DPP10: variants seen among roughly 807,000 people sequenced by gnomAD.
DPP10 encodes inactive dipeptidyl peptidase 10.
A neutral mutation model predicts 120.9 loss-of-function variants in DPP10; 33 were observed. That is an observed-to-expected ratio of 0.27 (90% CI 0.21 to 0.37). DPP10 has a LOEUF of 0.37. Among genes scored for constraint, DPP10 ranks in the 10% least tolerant of loss-of-function variants. The pLI, the probability that DPP10 is intolerant of heterozygous loss-of-function variation, is 1.00. For missense variants in DPP10, 816 were observed against 942.8 expected (o/e 0.87, Z 1.76); for synonymous variants, 337 against 326.1 (o/e 1.03, Z -0.36).
intron 1 of DPP10, among the ~76,000 whole-genome samples, chr2:114,601,181 C>T (rs181221090): frequency 4.0e-5 from 6 of 151,854 alleles, no homozygotes; most frequent in South Asian, 4.2e-4. Flanking sequence ...ACTCTAATGA[C>T]GTTGTAATGG....
At chr2:115,533,244 T>C (rs1186745831) in intron 5 of DPP10, among the ~76,000 whole-genome samples, 2 of 152,092 alleles carry the variant, frequency 1.3e-5, no homozygotes, top group Non-Finnish European at 2.9e-5. Context: ...GCATAAGAAT[T>C]AGCTTTTTCC....
At chr2:115,491,817 G>A (rs1473133783) in intron 3 of DPP10, among the ~76,000 whole-genome samples, 5 of 152,152 alleles carry the variant, frequency 3.3e-5, no homozygotes, top group Non-Finnish European at 7.3e-5. Flanking sequence ...CTCCTGCTCT[G>A]TCAACTGGAT....
intron 3 of DPP10, among the ~76,000 whole-genome samples, chr2:115,481,599 C>T (rs566997661): frequency 4.6e-5 from 7 of 151,930 alleles, no homozygotes; most frequent in East Asian, 3.9e-4. Context: ...TCCTTGGTTC[C>T]GTCCAGCTCT....
chr2:115,165,262 T>G (rs768891411), intron 1 of DPP10, among the ~76,000 whole-genome samples: 25 of 152,320 alleles, frequency 1.6e-4, no homozygotes, highest in Non-Finnish European at 3.1e-4. Flanking sequence ...CTGTTTTTAT[T>G]CCTATTTTAG....
At chr2:114,686,358 C>A (rs1050771281) in intron 1 of DPP10, among the ~76,000 whole-genome samples, 1 of 151,820 alleles carries the variant, frequency 6.6e-6, no homozygotes, top group African/African-American at 2.4e-5. Context: ...CTTCAAGCAG[C>A]CACAACTAAG....
chr2:115,594,597 T>C lies in DPP10; in HGVS notation c.441+68625T>C, dbSNP rs561338536. ...TCCAGTGAAAGTTCTGGAAGTTTTT[T>C]CTCTAGTCCAATGGCACAATCTCCA... On this transcript the variant is annotated intron_variant, in intron 5 of 25. Transcript: ENST00000410059. 3.3e-5 allele frequency among the ~76,000 whole-genome samples: 5 copies of C among 152,272 alleles called. No homozygotes were observed. The South Asian group carries it at 8.3e-4, about 25-fold the overall frequency.
intron 5 of DPP10, among the ~76,000 whole-genome samples, chr2:115,635,152 C>T (rs2086218140): frequency 6.7e-6 from 1 of 150,334 alleles, no homozygotes; most frequent in African/African-American, 2.5e-5. Context: ...AGCAGGCAGC[C>T]ACAGTGATGG....
intron 1 of DPP10, among the ~76,000 whole-genome samples, chr2:114,972,060 T>G (rs777558770): frequency 9.2e-5 from 14 of 152,220 alleles, no homozygotes; most frequent in Middle Eastern, 3.2e-3. Flanking sequence ...TCTGTTTTGT[T>G]AAAACCCCAT....
At chr2:114,995,283 C>T (rs564225639) in intron 1 of DPP10, among the ~76,000 whole-genome samples, 8 of 152,256 alleles carry the variant, frequency 5.3e-5, no homozygotes, top group East Asian at 3.9e-4. Context: ...AATATGGTTG[C>T]TTTGCCTGTA....
intron 1 of DPP10, among the ~76,000 whole-genome samples, chr2:115,206,415 A>G (rs1260623024): frequency 1.3e-5 from 2 of 152,202 alleles, no homozygotes; most frequent in Non-Finnish European, 2.9e-5. Flanking sequence ...GTCCAGGTAC[A>G]TGTGAGAAAC....
chr2:115,115,855 T>G (rs1287869321), intron 1 of DPP10, among the ~76,000 whole-genome samples: 2 of 152,244 alleles, frequency 1.3e-5, no homozygotes, highest in East Asian at 1.9e-4. Context: ...CACAGTGTTG[T>G]GAAAATGGTG....
chr2:114,859,544 A>G (rs957394986), intron 1 of DPP10, among the ~76,000 whole-genome samples: 2 of 152,224 alleles, frequency 1.3e-5, no homozygotes, highest in Admixed American at 6.5e-5. Context: ...TCACGGGAAT[A>G]ATCAAACTAG....
chr2:115,651,596 G>C (rs1451033293), intron 5 of DPP10, among the ~76,000 whole-genome samples: 1 of 152,040 alleles, frequency 6.6e-6, no homozygotes, highest in Non-Finnish European at 1.5e-5. Context: ...AAGATAAAAA[G>C]AATGCGCAGG....
intron 4 of DPP10, among the ~76,000 whole-genome samples, chr2:115,522,211 C>G (rs1430086893): frequency 1.3e-5 from 2 of 152,146 alleles, no homozygotes; most frequent in East Asian, 3.9e-4. Context: ...AATAGGCGGT[C>G]TGATTACTCC....
intron 1 of DPP10, among the ~76,000 whole-genome samples, chr2:114,894,310 C>T (rs1692789636): frequency 6.6e-6 from 1 of 152,148 alleles, no homozygotes; most frequent in South Asian, 2.1e-4. Flanking sequence ...CAATTTATTT[C>T]TGGGCCTTCA....
At chr2:115,086,798 C>T (rs1708744059) in intron 1 of DPP10, among the ~76,000 whole-genome samples, 1 of 151,850 alleles carries the variant, frequency 6.6e-6, no homozygotes, top group Non-Finnish European at 1.5e-5. Flanking sequence ...TGTCTCCTGC[C>T]TCCCTAAAAT....
intron 3 of DPP10, among the ~76,000 whole-genome samples, chr2:115,499,067 T>C (rs1173818258): frequency 6.6e-6 from 1 of 152,024 alleles, no homozygotes; most frequent in African/African-American, 2.4e-5. Context: ...GATCCATAAA[T>C]AGGTCTGCAT....
intron 1 of DPP10, among the ~76,000 whole-genome samples, chr2:114,852,601 C>T (rs1013535418): frequency 1.3e-5 from 2 of 151,968 alleles, no homozygotes; most frequent in African/African-American, 4.8e-5. Context: ...GAGACTTGGG[C>T]ATCTGTGGAT....
intron 1 of DPP10, among the ~76,000 whole-genome samples, chr2:114,773,675 C>T (rs1681472408): frequency 1.3e-5 from 2 of 152,078 alleles, no homozygotes; most frequent in Non-Finnish European, 2.9e-5. Context: ...ATTTCTAAGG[C>T]TTTTGCATTT....
Sources: gnomAD v4.1 joint callset for allele counts (sites outside exome capture counted in the v4.1 genomes callset) on GRCh38, gnomAD v4.1.1 for gene constraint, MANE v1.5 for transcripts, NCBI Gene and HGNC (gene_info 2026-07-23, HGNC 2026-07-21) for gene names.